KIF13A: variants seen among roughly 807,000 people sequenced by gnomAD.
KIF13A encodes kinesin family member 13A.
Under a neutral mutation model 212.2 loss-of-function variants are expected in KIF13A, and 79 were observed. The ratio of observed to expected loss-of-function variants is 0.37; its 90% CI spans 0.31 to 0.45. The LOEUF (loss-of-function observed/expected upper bound fraction) is 0.45. Among genes scored for constraint, KIF13A ranks in the 20% least tolerant of loss-of-function variants. The pLI, the probability that KIF13A is intolerant of heterozygous loss-of-function variation, is 1.00. For synonymous variants in KIF13A, 789 were observed against 808.6 expected, an observed-to-expected ratio of 0.98 and a Z score of 0.41; for missense variants, 1,901 against 2,209.0, an observed-to-expected ratio of 0.86 and a Z score of 2.79.
At chr6:17,893,735 CAT>C in intron 3 of KIF13A, among the ~76,000 whole-genome samples, 1 of 150,416 alleles carries the variant, frequency 6.6e-6, no homozygotes. Flanking sequence ...GGCCTTTTAT[CAT>C]ATTGAGGTTT....
intron 38 of KIF13A, chr6:17,770,736 G>A (rs1029335840): frequency 1.9e-5 from 18 of 928,008 alleles, no homozygotes; most frequent in Non-Finnish European, 2.3e-5. Context: ...TTAAATGCAT[G>A]ATTACTTACT....
At position 17,982,023 on chromosome 6, in the gene KIF13A, G is replaced by C. The variant is rs372289642; in HGVS notation, c.146+5031C>G. 2.0e-5 allele frequency among the ~76,000 whole-genome samples: 3 copies of C among 152,202 alleles called. No homozygotes were observed. In the East Asian group the frequency reaches 5.8e-4, roughly 29 times the overall value. ...TGAATAGCCCTTATCTAAAATGCTT[G>C]GGACCAGAAGTGTTTTGGATTTTGA... On this transcript the variant is annotated intron_variant, in intron 2 of 38. Transcript: ENST00000259711. This position sits in a 1 kb window ranked among gnomAD's most constrained non-coding sequence, Gnocchi z 5.1.
chr6:17,849,537 C>A lies in KIF13A; in HGVS notation c.718-48G>T. The A allele has an allele frequency of 7.6e-7, 1 of 1,315,146 alleles. No homozygotes were observed. The highest frequency in any genetic ancestry group is 1.8e-5 in the Admixed American group (1 of 54,258). 81.5% of individuals were successfully genotyped at this position (1,315,146 alleles called of 1,614,324 possible). ...AGAAGAAAAACTTATCAATAAAAAC[C>A]ACATGGATATCTACATATATGTTAG... is the stretch of plus-strand genomic sequence containing the variant. On this transcript the variant is annotated intron_variant, in intron 8 of 38. Transcript: ENST00000259711. The surrounding 1 kb of genome is among the most constrained non-coding windows in gnomAD (Gnocchi z 5.7).
At chr6:17,985,476 C>T (rs1359356198) in intron 2 of KIF13A, among the ~76,000 whole-genome samples, 1 of 152,056 alleles carries the variant, frequency 6.6e-6, no homozygotes, top group Non-Finnish European at 1.5e-5. Context: ...AGTCGCACTG[C>T]TTATGGTTAA....
rs1166657115 is a variant in KIF13A at position 17,794,602 on chromosome 6, G to C, written c.3045C>G (p.Val1015=). ...TAAGTTGAAAGATGCCTCCTGTGTT[G>C]ACATCTTTTGCCTGATGAAGTTCCA... ...AAVELHQAKD[V]NTGGIFQLRQ... Residue 1015 remains valine (V), a synonymous_variant, in exon 24 of 39, where the codon GTC becomes GTG. Coordinates refer to ENST00000259711, the MANE Select transcript of KIF13A (RefSeq NM_022113.6). This position sits in a 1 kb window ranked among gnomAD's most constrained non-coding sequence, Gnocchi z 4.1. The C allele has an allele frequency of 6.2e-7, 1 of 1,612,088 alleles. No homozygotes were observed.
intron 2 of KIF13A, among the ~76,000 whole-genome samples, chr6:17,965,094 C>T (rs915392338): frequency 2.0e-5 from 3 of 152,062 alleles, no homozygotes; most frequent in Non-Finnish European, 4.4e-5. Flanking sequence ...CTCCCCATAG[C>T]GCTGAGATTA....
chr6:17,763,475 C>CAAAAAAAAAAA (rs67357010), downstream of KIF13A, among the ~76,000 whole-genome samples: 1 of 75,758 alleles, frequency 1.3e-5, no homozygotes, highest in Non-Finnish European at 2.4e-5. Flanking sequence ...CACTCCATCT[C>CAAAAAAAAAAA]AAAAAAAAAA....
rs1351990811 is a variant in KIF13A, at chr6:17,783,962, T to TC, written c.3489-262dup. Among the ~76,000 whole-genome samples the TC allele has an allele frequency of 2.6e-5, 4 of 152,138 alleles. No individual in the cohort carries two copies. The highest frequency in any genetic ancestry group is 2.6e-4 in the Admixed American group (4 of 15,274). ...GATTTTAAGCCTTTCTAAAAATAATTCCCATGAGAGGTAAAGGGAAGGGGG... is the reference window on the plus strand; with the variant it reads ...GATTTTAAGCCTTTCTAAAAATAATTCCCCATGAGAGGTAAAGGGAAGGGGG... On this transcript the variant is annotated intron_variant, in intron 28 of 38. Coordinates refer to ENST00000259711, the MANE Select transcript of KIF13A (RefSeq NM_022113.6). The surrounding 1 kb of genome is among the most constrained non-coding windows in gnomAD (Gnocchi z 4.3).
At chr6:17,913,931 T>C (rs1157240308) in intron 2 of KIF13A, among the ~76,000 whole-genome samples, 2 of 152,198 alleles carry the variant, frequency 1.3e-5, no homozygotes, top group Non-Finnish European at 2.9e-5. Context: ...AGTGCCAGCC[T>C]GTTTGTCAAC....
rs1760221547 is a variant in KIF13A, at chr6:17,778,809, A to G, written c.4092+138T>C. On this transcript the variant is annotated intron_variant, in intron 33 of 38. Coordinates refer to ENST00000259711, the MANE Select transcript of KIF13A (RefSeq NM_022113.6). ...TTTTTATTTTGGTTACTATTTTGCC[A>G]GAGTCCTTTCAATAGAGATGGCTCA... 1.5e-5 allele frequency: 14 copies of G among 946,874 alleles called. No individual in the cohort carries two copies. In the East Asian group the frequency reaches 3.7e-4, roughly 25 times the overall value. 58.7% of individuals were successfully genotyped at this position (946,874 alleles called of 1,614,324 possible). A position where few individuals can be genotyped will look rare whatever the true frequency, so the allele number is the denominator to read the frequency against.
chr6:17,884,529 TAGAA>T (rs771398808), intron 3 of KIF13A, among the ~76,000 whole-genome samples: 15 of 151,700 alleles, frequency 9.9e-5, no homozygotes, highest in Non-Finnish European at 1.9e-4. Context: ...CTGAATTAAA[TAGAA>T]AGAGAAGTGA....
chr6:17,921,725 GA>G (rs933745291), intron 2 of KIF13A, among the ~76,000 whole-genome samples: 2 of 152,130 alleles, frequency 1.3e-5, no homozygotes, highest in African/African-American at 4.8e-5. Flanking sequence ...AGAGTGGGAA[GA>G]ACAAAAACTC....
intron 2 of KIF13A, among the ~76,000 whole-genome samples, chr6:17,966,625 T>A (rs979250592): frequency 5.9e-5 from 9 of 152,110 alleles, no homozygotes; most frequent in African/African-American, 2.2e-4. Flanking sequence ...ACACAGTGCT[T>A]GATGGTTTCA....
At chr6:17,800,959 C>T (rs1762425405) in intron 20 of KIF13A, among the ~76,000 whole-genome samples, 1 of 151,838 alleles carries the variant, frequency 6.6e-6, no homozygotes, top group Admixed American at 6.6e-5. Flanking sequence ...GTCTCGAACT[C>T]CTGACCTTGT....
chr6:17,874,999 G>GCGCGCGCACACACACA (rs913365480), intron 3 of KIF13A, among the ~76,000 whole-genome samples: 1,505 of 120,318 alleles, frequency 0.013, 37 homozygotes, highest in African/African-American at 0.043. Context: ...ACACGCACAC[G>GCGCGCGCACACACACA]CACGCACACA....
chr6:17,861,094 T>C (rs941549738), intron 4 of KIF13A, among the ~76,000 whole-genome samples: 2 of 152,142 alleles, frequency 1.3e-5, no homozygotes, highest in African/African-American at 2.4e-5. Context: ...GCAGATAAAA[T>C]AGAATTCAAA....
intron 9 of KIF13A, among the ~76,000 whole-genome samples, chr6:17,847,597 G>A (rs529164889): frequency 9.9e-4 from 150 of 152,184 alleles, no homozygotes; most frequent in African/African-American, 3.5e-3. Flanking sequence ...TGTCCTAAAC[G>A]AAACCCTAAG....
At chr6:17,913,218 C>T (rs1236044476) in intron 2 of KIF13A, among the ~76,000 whole-genome samples, 3 of 105,704 alleles carry the variant, frequency 2.8e-5, no homozygotes, top group Non-Finnish European at 4.9e-5. Flanking sequence ...GACGGGATTA[C>T]GGGAGGAGCA....
chr6:17,780,977 C>G, intron 30 of KIF13A, 71 bp from the exon 31 acceptor site: 1 of 1,444,976 alleles, frequency 6.9e-7, no homozygotes, highest in Non-Finnish European at 9.5e-7. Flanking sequence ...ACAGGACATA[C>G]AAGAGAAAGA....
Sources: allele counts gnomAD v4.1 joint callset (sites outside exome capture counted in the v4.1 genomes callset), GRCh38; gene constraint gnomAD v4.1.1; non-coding constraint Gnocchi (gnomAD v3.1); transcripts MANE v1.5; gene names NCBI Gene and HGNC (gene_info 2026-07-23, HGNC 2026-07-21).